Variants in RASSF3 observed in about 807,000 individuals in gnomAD.
The protein encoded by RASSF3 is ras association domain-containing protein 3.
Under a neutral mutation model 19.9 loss-of-function variants are expected in RASSF3, and 19 were observed. That is an observed-to-expected ratio of 0.96 (90% CI 0.67 to 1.40). The LOEUF (loss-of-function observed/expected upper bound fraction) is 1.40, where lower values mean the gene tolerates loss of function less well. Among genes scored for constraint, RASSF3 ranks in the 40% most tolerant of loss-of-function variants. RASSF3 has a pLI of 0.00. For missense variants in RASSF3, 306 were observed against 289.8 expected, an observed-to-expected ratio of 1.06 and a Z score of -0.41; for synonymous variants, 110 against 104.2, an observed-to-expected ratio of 1.06 and a Z score of -0.34.
chr12:64,547,662 T>C (rs1275077761), intron 2 of RASSF3, among the ~76,000 whole-genome samples: 1 of 152,224 alleles, frequency 6.6e-6, no homozygotes, highest in Non-Finnish European at 1.5e-5. Flanking sequence ...ATTTAGTTAT[T>C]TGTCAGCTTT....
Position 64,509,162 on chromosome 12 carries a change from C to A in RASSF3, c.169+1833C>A, listed in dbSNP as rs552531706. Among the ~76,000 whole-genome samples the A allele has an allele frequency of 1.5e-3, 222 of 152,074 alleles. 1 individual carries two copies. The highest frequency in any genetic ancestry group is 2.8e-3 in the Non-Finnish European group (188 of 67,962). ...CCAATTGCTTCATTTTAAAGATAAG[C>A]AAAAAGGCCAGGGGCGGTGGCTCAT... On this transcript the variant is annotated intron_variant, in intron 1 of 5. Transcript: ENST00000637125.
At chr12:64,586,772 AT>A (rs1470244348) in intron 2 of RASSF3, among the ~76,000 whole-genome samples, 3 of 151,606 alleles carry the variant, frequency 2.0e-5, no homozygotes, top group African/African-American at 7.3e-5. Context: ...AAAATACAAA[AT>A]TTAGCTGGAT....
upstream of RASSF3, among the ~76,000 whole-genome samples, chr12:64,532,035 C>T (rs557669690): frequency 4.6e-5 from 7 of 152,314 alleles, no homozygotes; most frequent in South Asian, 1.5e-3. Flanking sequence ...AAAAATGCCT[C>T]ATAGTCAACA....
intron 1 of RASSF3, among the ~76,000 whole-genome samples, chr12:64,534,972 T>A (rs1868791478): frequency 6.6e-6 from 1 of 152,130 alleles, no homozygotes; most frequent in Non-Finnish European, 1.5e-5. Flanking sequence ...TAAGGCACCA[T>A]CTATTGTGAC....
At chr12:64,661,682 T>TC (rs1416833738) in intron 1 of RASSF3, among the ~76,000 whole-genome samples, 1 of 134,968 alleles carries the variant, frequency 7.4e-6, no homozygotes, top group African/African-American at 3.0e-5. Context: ...TTTTTCTTTT[T>TC]TTTTTTTTTT....
intron 1 of RASSF3, among the ~76,000 whole-genome samples, chr12:64,517,811 G>C (rs531290889): frequency 6.6e-6 from 1 of 151,744 alleles, no homozygotes; most frequent in Non-Finnish European, 1.5e-5. Flanking sequence ...TAGAGATGGG[G>C]TCTCACTATG....
chr12:64,610,558 G>C lies in RASSF3; in HGVS notation c.-75G>C. 1.4e-6 allele frequency: 1 copy of C among 693,904 alleles called. No individual in the cohort carries two copies. Among genetic ancestry groups the C allele is most frequent in the East Asian group, 3.8e-5 (1 of 26,328 alleles). The allele number at this position is 693,904 out of a possible 1,614,324, so 43.0% of individuals were successfully genotyped here. On this transcript the variant is annotated 5_prime_UTR_variant, in exon 1 of 5. Coordinates refer to ENST00000542104, the MANE Select transcript of RASSF3 (RefSeq NM_178169.4). ...GGCTGCGCGCCGGGAACCTCGCGGG[G>C]CTGGCGGGCGCCGCACCCCCTCCCT...
At chr12:64,535,254 A>G (rs1868798712) in intron 1 of RASSF3, among the ~76,000 whole-genome samples, 1 of 152,002 alleles carries the variant, frequency 6.6e-6, no homozygotes, top group Non-Finnish European at 1.5e-5. Context: ...TCATGCCAGG[A>G]GTTCAGGGCT....
intron 2 of RASSF3, among the ~76,000 whole-genome samples, chr12:64,561,173 A>T (rs1303912013): frequency 6.6e-6 from 1 of 152,092 alleles, no homozygotes; most frequent in Non-Finnish European, 1.5e-5. Flanking sequence ...GAGCTGAGGG[A>T]TGCATTTTCA....
At chr12:64,565,884 GAAA>G (rs35479688) in intron 2 of RASSF3, among the ~76,000 whole-genome samples, 2 of 126,658 alleles carry the variant, frequency 1.6e-5, no homozygotes, top group African/African-American at 3.0e-5. Flanking sequence ...CTTCGTCTCA[GAAA>G]AAAAAAAAAA....
intron 2 of RASSF3, among the ~76,000 whole-genome samples, chr12:64,561,714 T>C (rs1298566477): frequency 8.1e-6 from 1 of 124,072 alleles, no homozygotes; most frequent in African/African-American, 2.6e-5. Flanking sequence ...TTAGCATTTA[T>C]CTTTTTTTTT....
At position 64,688,240 on chromosome 12, in the gene RASSF3, T is replaced by A. The variant is rs1873433913; in HGVS notation, c.244T>A (p.Phe82Ile). ...TLNSNGIYTG[F>I]IKVQMELCKP... ...GAATTCAAATGGGATTTACACTGGC[T>A]TCATTAAAGTACAGATGGAACTCTG... Residue 82 changes from phenylalanine (F) to isoleucine (I), a missense_variant, in exon 3 of 5, where the codon TTC (phenylalanine) becomes ATC (isoleucine). Transcript: ENST00000542104. 2 of 1,613,920 alleles carry A rather than the reference T, an allele frequency of 1.2e-6. No homozygotes were observed. The highest frequency in any genetic ancestry group is 4.5e-5 in the East Asian group (2 of 44,896).
intron 1 of RASSF3, among the ~76,000 whole-genome samples, chr12:64,512,135 T>A (rs1868332287): frequency 6.6e-6 from 1 of 152,134 alleles, no homozygotes; most frequent in Non-Finnish European, 1.5e-5. Context: ...TCAGAAGCCC[T>A]GAGAGAGAGA....
At chr12:64,532,617 G>A (rs542837346), upstream of RASSF3, among the ~76,000 whole-genome samples, 2 of 151,562 alleles carry the variant, frequency 1.3e-5, no homozygotes, top group South Asian at 2.1e-4. Flanking sequence ...AAGTCCAGGG[G>A]TTCAAGACCA....
intron 1 of RASSF3, among the ~76,000 whole-genome samples, chr12:64,637,500 G>A (rs1261112993): frequency 6.6e-6 from 1 of 151,148 alleles, no homozygotes; most frequent in Non-Finnish European, 1.5e-5. Flanking sequence ...CGTGATCTCG[G>A]CTCACTGCAA....
At chr12:64,621,336 A>G (rs1171585829) in intron 1 of RASSF3, among the ~76,000 whole-genome samples, 2 of 152,314 alleles carry the variant, frequency 1.3e-5, no homozygotes, top group South Asian at 2.1e-4. Context: ...CCATTTGTCT[A>G]TTAGGTAGGC....
At chr12:64,652,362 T>C (rs1871988766) in intron 1 of RASSF3, among the ~76,000 whole-genome samples, 1 of 152,178 alleles carries the variant, frequency 6.6e-6, no homozygotes, top group Non-Finnish European at 1.5e-5. Flanking sequence ...GTTTGGGCTT[T>C]TTTTTTAAAC....
At chr12:64,507,408 C>G (rs1592382315) in intron 1 of RASSF3, 1 of 397,562 alleles carries the variant, frequency 2.5e-6, no homozygotes, top group South Asian at 1.4e-4. Context: ...TGGAGCCTCC[C>G]TCGCATGGGC....
chr12:64,550,847 GAAA>G (rs1008103804), intron 2 of RASSF3, among the ~76,000 whole-genome samples: 2 of 119,514 alleles, frequency 1.7e-5, no homozygotes, highest in African/African-American at 6.6e-5. Flanking sequence ...AGAAAGAAAG[GAAA>G]AAAAAAAGAG....
Sources: gnomAD v4.1 joint callset for allele counts (sites outside exome capture counted in the v4.1 genomes callset) on GRCh38, gnomAD v4.1.1 for gene constraint, MANE v1.5 for transcripts, NCBI Gene and HGNC (gene_info 2026-07-23, HGNC 2026-07-21) for gene names.